KIAA1614: variants seen among roughly 807,000 people sequenced by gnomAD.
KIAA1614 encodes uncharacterized protein KIAA1614.
KIAA1614 carries 76 observed loss-of-function variants against 88.7 expected under a neutral mutation model. That is an observed-to-expected ratio of 0.86 (90% CI 0.71 to 1.04). The LOEUF (loss-of-function observed/expected upper bound fraction) is 1.04, where lower values mean the gene tolerates loss of function less well. Ranked by LOEUF, KIAA1614 falls within the 50% of genes least tolerant of loss-of-function variation. The probability of loss-of-function intolerance (pLI) is 0.00; values close to 1 mark genes in which losing one functional copy is unlikely to be tolerated. For missense variants in KIAA1614, 1,553 were observed against 1,582.5 expected, an observed-to-expected ratio of 0.98 and a Z score of 0.32; for synonymous variants, 714 against 675.5, an observed-to-expected ratio of 1.06 and a Z score of -0.88.
chr1:180,915,383 G>GTT (rs1356647390), intron 1 of KIAA1614, among the ~76,000 whole-genome samples: 1 of 152,180 alleles, frequency 6.6e-6, no homozygotes, highest in East Asian at 1.9e-4. Context: ...CATGTTGCCT[G>GTT]TTAGCAGATG....
chr1:180,923,668 A>T (rs918431246), intron 3 of KIAA1614, among the ~76,000 whole-genome samples: 1 of 152,170 alleles, frequency 6.6e-6, no homozygotes, highest in Non-Finnish European at 1.5e-5. Flanking sequence ...GTGTGCAGGG[A>T]AAGGCTCTCA....
At chr1:180,933,763 A>C (rs1654252061) in intron 4 of KIAA1614, among the ~76,000 whole-genome samples, 1 of 152,210 alleles carries the variant, frequency 6.6e-6, no homozygotes, top group African/African-American at 2.4e-5. Flanking sequence ...CAGACTCCCC[A>C]GCACAGCAGT....
In KIAA1614 at chr1:180,936,543, C is replaced by A. The variant is rs775092982; in HGVS notation, c.2634C>A (p.Thr878=). Residue 878 remains threonine, a synonymous_variant, in exon 5 of 9, where the codon ACC becomes ACA. Transcript: ENST00000367588. ...QVRHPLLALS[T]NNCNNSAPRG... The stretch of plus-strand genomic sequence containing the variant: ...GGCACCCACTGCTGGCCCTGTCCAC[C>A]AACAACTGCAACAACAGCGCACCTC... 1.9e-6 allele frequency: 3 copies of A among 1,613,932 alleles called. No individual in the cohort carries two copies. The East Asian group carries it at 6.7e-5, about 36-fold the overall frequency.
rs1461294472 is a variant in KIAA1614, at chr1:180,936,667, G to C, written c.2758G>C (p.Asp920His). 6.6e-7 allele frequency: 1 copy of C among 1,511,172 alleles called. No homozygotes were observed. Among genetic ancestry groups the C allele is most frequent in the Non-Finnish European group, 8.8e-7 (1 of 1,134,116 alleles). 93.6% of individuals were successfully genotyped at this position (1,511,172 alleles called of 1,614,324 possible). Residue 920 changes from aspartate (D) to histidine (H), a missense_variant, in exon 5 of 9, where the codon GAT becomes CAT. Asp to His is a moderately conservative substitution (Grantham distance 81). Coordinates refer to ENST00000367588, the MANE Select transcript of KIAA1614 (RefSeq NM_020950.2). ...EPEPPLENSR[D>H]GGPQGFLGSA... ...GGAGCCGCCCCTGGAGAACAGCAGA[G>C]ATGGTAAGGGGCTGCCGCTGGTTCC...
chr1:180,950,414 ATCCT>A lies in KIAA1614; in HGVS notation c.*4827_*4830del. Reference sequence around the variant, plus strand: ...AGGGCTGCTGGGGGTGGGCGATGAGATCCTCGAGGTGAACGGGGCCAAGGTGGCA... The same window carrying A: ...AGGGCTGCTGGGGGTGGGCGATGAGACGAGGTGAACGGGGCCAAGGTGGCA... On this transcript the variant is annotated 3_prime_UTR_variant, in exon 9 of 9. Transcript: ENST00000367588. The A allele has an allele frequency of 2.5e-6, 3 of 1,224,184 alleles. No homozygotes were observed. The highest frequency in any genetic ancestry group is 3.1e-6 in the Non-Finnish European group (3 of 955,874). The allele number at this position is 1,224,184 out of a possible 1,614,324, so 75.8% of individuals were successfully genotyped here. A position where few individuals can be genotyped will look rare whatever the true frequency, so the allele number is the denominator to read the frequency against.
In KIAA1614 at chr1:180,916,734, A is replaced by T. The variant is rs1348512850; in HGVS notation, c.631A>T (p.Ser211Cys). 1.2e-6 allele frequency: 2 copies of T among 1,614,090 alleles called. No individual in the cohort carries two copies. The highest frequency in any genetic ancestry group is 2.2e-5 in the South Asian group (2 of 91,080). The stretch of plus-strand genomic sequence containing the variant: ...GCTGGGGCCCAGCTCTTTGCAACAG[A>T]GCCCGATCCATGGAGTTACTCCCGG... Reference protein sequence around the residue: ...PLLGPSSLQQSPIHGVTPGRP... With the variant: ...PLLGPSSLQQCPIHGVTPGRP... The change falls in exon 2 of 9, where the codon AGC becomes TGC. Residue 211 changes from serine to cysteine, a missense_variant. Coordinates refer to ENST00000367588, the MANE Select transcript of KIAA1614 (RefSeq NM_020950.2).
rs201755087 is a variant in KIAA1614 at position 180,916,241 on chromosome 1, C to T, written c.138C>T (p.Asn46=). The change falls in exon 2 of 9, where the codon AAC becomes AAT. Residue 46 remains asparagine (N), a synonymous_variant. Coordinates refer to ENST00000367588, the MANE Select transcript of KIAA1614 (RefSeq NM_020950.2). The part of the protein sequence containing the change: ...EWSGPEPQLD[N]GHPPRPWPCP... ...GTGGTCCTGAGCCACAGCTGGATAACGGACACCCCCCAAGACCCTGGCCTT... is the reference window on the plus strand; with the variant it reads ...GTGGTCCTGAGCCACAGCTGGATAATGGACACCCCCCAAGACCCTGGCCTT... 4.4e-5 allele frequency: 71 copies of T among 1,613,402 alleles called. 2 individuals carry two copies. The highest frequency in any genetic ancestry group is 1.5e-4 in the African/African-American group (11 of 75,044).
rs1284779133 is a variant in KIAA1614 at position 180,913,256 on chromosome 1, G to A, written c.13G>A (p.Glu5Lys). ...GCCTCTCCGAGGGATGGAGGGGACA[G>A]AGGCGGCGGCGGCCAAACCCGCGGG... MEGT[E>K]AAAAKPAGGS... Residue 5 changes from glutamate (E) to lysine (K), a missense_variant, in exon 1 of 9, where the codon GAG becomes AAG. Transcript: ENST00000367588. The A allele has an allele frequency of 8.7e-6, 11 of 1,262,252 alleles. No homozygotes were observed. The East Asian group carries it at 3.1e-4, about 36-fold the overall frequency. 78.2% of individuals were successfully genotyped at this position (1,262,252 alleles called of 1,614,324 possible). A position where few individuals can be genotyped will look rare whatever the true frequency, so the allele number is the denominator to read the frequency against.
chr1:180,924,687 C>T (rs980948484), intron 3 of KIAA1614, among the ~76,000 whole-genome samples: 1 of 152,096 alleles, frequency 6.6e-6, no homozygotes. Flanking sequence ...GGAGCCCTGT[C>T]AAGGGCTTTT....
intron 1 of KIAA1614, 69 bp downstream of exon 1, chr1:180,913,362 G>A: frequency 9.2e-7 from 1 of 1,085,712 alleles, no homozygotes; most frequent in Non-Finnish European, 1.2e-6. Flanking sequence ...GGAGGAGCGG[G>A]GAGCCCAGGT....
intron 3 of KIAA1614, among the ~76,000 whole-genome samples, chr1:180,921,382 G>T (rs1042546593): frequency 6.6e-6 from 1 of 152,172 alleles, no homozygotes; most frequent in African/African-American, 2.4e-5. Flanking sequence ...CAGGGGATAC[G>T]ATGGCTTAGC....
At chr1:180,921,321 T>G (rs1653948812) in intron 3 of KIAA1614, among the ~76,000 whole-genome samples, 1 of 152,192 alleles carries the variant, frequency 6.6e-6, no homozygotes, top group African/African-American at 2.4e-5. Context: ...TTTCACTTCT[T>G]TTGTGATTCT....
At chr1:180,918,836 C>A (rs1653882647) in intron 3 of KIAA1614, among the ~76,000 whole-genome samples, 1 of 152,158 alleles carries the variant, frequency 6.6e-6, no homozygotes, top group Non-Finnish European at 1.5e-5. Context: ...TAACAAAAAG[C>A]CTATAGAGGC....
At position 180,935,521 on chromosome 1, in the gene KIAA1614, G is replaced by A. The variant is rs1477504651; in HGVS notation, c.1612G>A (p.Ala538Thr). The A allele has an allele frequency of 1.6e-5, 25 of 1,551,534 alleles. No homozygotes were observed. Among genetic ancestry groups the A allele is most frequent in the Non-Finnish European group, 2.0e-5 (23 of 1,152,518 alleles). Reference protein sequence around the residue: ...PAPGSERRCQACGSCIDDPRP... With the variant: ...PAPGSERRCQTCGSCIDDPRP... ...ACCGGGCAGCGAGAGGAGGTGCCAG[G>A]CCTGCGGCAGCTGCATCGACGACCC... Residue 538 changes from alanine (A) to threonine (T), a missense_variant, in exon 5 of 9, where the codon GCC becomes ACC. Coordinates refer to ENST00000367588, the MANE Select transcript of KIAA1614 (RefSeq NM_020950.2). This position sits in a 1 kb window ranked among gnomAD's most constrained non-coding sequence, Gnocchi z 6.1.
chr1:180,936,833 T>C lies in KIAA1614; in HGVS notation c.2761+163T>C, dbSNP rs372206617. 3.9e-4 allele frequency among the ~76,000 whole-genome samples: 59 copies of C among 152,278 alleles called. No individual in the cohort carries two copies. The South Asian group carries it at 8.1e-3, about 21-fold the overall frequency. On this transcript the variant is annotated intron_variant, in intron 5 of 8. Coordinates refer to ENST00000367588, the MANE Select transcript of KIAA1614 (RefSeq NM_020950.2). ...CACCTCGGCAGCTCCTTGGAGCTGC[T>C]CTGAGGTGTCAGGGGTGCTGGTGGA...
intron 2 of KIAA1614, 92 bp from the exon 3 acceptor site, chr1:180,917,758 TG>T: frequency 1.9e-6 from 2 of 1,032,180 alleles, no homozygotes; most frequent in Non-Finnish European, 3.0e-6. Context: ...AAGTTGCTTC[TG>T]GAGAAACTCT....
At chr1:180,928,203 G>A (rs958765480) in intron 3 of KIAA1614, 4 of 457,684 alleles carry the variant, frequency 8.7e-6, no homozygotes, top group African/African-American at 6.1e-5. Context: ...GGCCGGGCCA[G>A]CTCCCCAGCC....
At position 180,944,496 on chromosome 1, in the gene KIAA1614, G is replaced by A. The variant is rs1163673542; in HGVS notation, c.3267G>A (p.Gly1089=). 6.2e-7 allele frequency: 1 copy of A among 1,613,666 alleles called. No homozygotes were observed. Among genetic ancestry groups the A allele is most frequent in the Non-Finnish European group, 8.5e-7 (1 of 1,179,780 alleles). Residue 1089 remains glycine, a synonymous_variant, in exon 8 of 9, where the codon GGG becomes GGA. Transcript: ENST00000367588. ...RSSLYLVAGP[G]DHSAAGRPAK... ...GCCTCTACCTGGTAGCAGGGCCAGG[G>A]GACCACAGTGCAGCTGGCAGGTATG...
rs370687297 is a variant in KIAA1614 at position 180,936,568 on chromosome 1, C to T, written c.2659C>T (p.Arg887Trp). The change falls in exon 5 of 9, where the codon CGG (arginine) becomes TGG (tryptophan). Residue 887 changes from arginine (R) to tryptophan (W), a missense_variant. Arg to Trp is a moderately radical substitution (Grantham distance 101, BLOSUM62 -3). Transcript: ENST00000367588. ...STNNCNNSAPRGLQEPYGGAV... is the reference protein window; with the variant it reads ...STNNCNNSAPWGLQEPYGGAV... ...CAACAACTGCAACAACAGCGCACCT[C>T]GGGGGCTGCAGGAGCCCTACGGGGG... is the stretch of plus-strand genomic sequence containing the variant. The T allele has an allele frequency of 9.3e-6, 15 of 1,613,412 alleles. No individual in the cohort carries two copies. The highest frequency in any genetic ancestry group is 1.7e-5 in the Admixed American group (1 of 59,944).
Sources: gnomAD v4.1 joint callset for allele counts (sites outside exome capture counted in the v4.1 genomes callset) on GRCh38, gnomAD v4.1.1 for gene constraint, Gnocchi (gnomAD v3.1) non-coding constraint, MANE v1.5 for transcripts, NCBI Gene and HGNC (gene_info 2026-07-23, HGNC 2026-07-21) for gene names.